Variants in SRL observed in about 807,000 individuals in gnomAD.
SRL encodes sarcalumenin.
SRL carries 23 observed loss-of-function variants against 39.5 expected under a neutral mutation model. The ratio of observed to expected loss-of-function variants is 0.58; its 90% confidence interval spans 0.42 to 0.82. The LOEUF (loss-of-function observed/expected upper bound fraction) is 0.82, where lower values mean the gene tolerates loss of function less well. Among genes scored for constraint, SRL ranks in the 40% least tolerant of loss-of-function variants. The probability of loss-of-function intolerance (pLI) is 0.00; values close to 1 mark genes in which losing one functional copy is unlikely to be tolerated. For synonymous variants in SRL, 272 were observed against 237.4 expected (o/e 1.15, Z -1.34); for missense variants, 592 against 607.8 (o/e 0.97, Z 0.27).
At chr16:4,231,057 C>T (rs1417834698) in intron 1 of SRL, among the ~76,000 whole-genome samples, 1 of 152,182 alleles carries the variant, frequency 6.6e-6, no homozygotes, top group African/African-American at 2.4e-5. Context: ...GTGGCTCACA[C>T]CTGTAATCCC....
At chr16:4,240,093 A>G (rs2052756558) in intron 1 of SRL, among the ~76,000 whole-genome samples, 1 of 152,196 alleles carries the variant, frequency 6.6e-6, no homozygotes, top group Non-Finnish European at 1.5e-5. Flanking sequence ...AGCAACAAGG[A>G]GGAGAAGCCG....
intron 1 of SRL, among the ~76,000 whole-genome samples, chr16:4,225,976 G>T (rs1049474789): frequency 6.6e-6 from 1 of 152,074 alleles, no homozygotes; most frequent in Non-Finnish European, 1.5e-5. Flanking sequence ...TTGCTCTTCA[G>T]GGCCCCTCCT....
chr16:4,197,813 T>C lies in SRL; in HGVS notation c.362A>G (p.Tyr121Cys). The C allele has an allele frequency of 6.2e-7, 1 of 1,605,272 alleles. No homozygotes were observed. The highest frequency in any genetic ancestry group is 8.5e-7 in the Non-Finnish European group (1 of 1,171,998). ...ATATTGATTACCTGTATAGAGCTGA[T>C]AGCGAGTATTTTCCAGCCCAAGGAG... ...NYLLGLENTRYQLYTGAEPTT... is the reference protein window; with the variant it reads ...NYLLGLENTRCQLYTGAEPTT... The change falls in exon 4 of 6, where the codon TAT becomes TGT. Residue 121 changes from tyrosine (Y) to cysteine (C), a missense_variant. By Grantham distance (194) the Tyr-to-Cys change is radical. Coordinates refer to ENST00000399609, the MANE Select transcript of SRL (RefSeq NM_001098814.2).
In SRL at chr16:4,192,178, G is replaced by T. The variant is rs1449554352; in HGVS notation, c.1397C>A (p.Pro466Gln). The T allele has an allele frequency of 1.3e-6, 2 of 1,555,528 alleles. No individual in the cohort carries two copies. Among genetic ancestry groups the T allele is most frequent in the South Asian group, 1.3e-5 (1 of 79,074 alleles). ...CTAGTGCTTCCTGTAGCGATTTTTTGGTGTTTCGCTACACCCTGTTTTGTC... is the reference window on the plus strand; with the variant it reads ...CTAGTGCTTCCTGTAGCGATTTTTTTGTGTTTCGCTACACCCTGTTTTGTC... ...NCDKTGCSETPKNRYRKH is the reference protein window; with the variant it reads ...NCDKTGCSETQKNRYRKH Residue 466 changes from proline to glutamine, a missense_variant, in exon 6 of 6, where the codon CCA becomes CAA. By Grantham distance (76) the Pro-to-Gln change is moderately conservative. Transcript: ENST00000399609. The surrounding 1 kb of genome is among the most constrained non-coding windows in gnomAD (Gnocchi z 4.0).
At chr16:4,203,481 A>C (rs1667637543) in intron 2 of SRL, among the ~76,000 whole-genome samples, 1 of 151,800 alleles carries the variant, frequency 6.6e-6, no homozygotes, top group African/African-American at 2.4e-5. Context: ...TCTCCTACCC[A>C]CCCCCAAAGC....
chr16:4,229,840 A>G lies in SRL; in HGVS notation c.61+12167T>C, dbSNP rs1185896042. On this transcript the variant is annotated intron_variant, in intron 1 of 5. Transcript: ENST00000399609. ...CTTCTGCAGATGAGGAGGTGCTTCC[A>G]CATCCTGCACCATCTCCTGCTTGGC... Among the ~76,000 whole-genome samples, 4 of 152,088 alleles carry G rather than the reference A, an allele frequency of 2.6e-5. No homozygotes were observed. The East Asian group carries it at 5.8e-4, about 22-fold the overall frequency.
At chr16:4,202,107 G>A (rs2052242192) in intron 3 of SRL, among the ~76,000 whole-genome samples, 1 of 152,196 alleles carries the variant, frequency 6.6e-6, no homozygotes, top group Admixed American at 6.5e-5. Context: ...TCCAGAGCAT[G>A]GCGTGGTCAC....
rs2052041756 is a variant in SRL at position 4,189,976 on chromosome 16, G to A, written c.*2177C>T. 1 of 286,326 alleles carries A rather than the reference G, an allele frequency of 3.5e-6. No homozygotes were observed. The highest frequency in any genetic ancestry group is 5.2e-5 in the Admixed American group (1 of 19,134). 17.7% of individuals were successfully genotyped at this position (286,326 alleles called of 1,614,324 possible). Reference sequence around the variant, plus strand: ...GCGAGGGGTTCTGGGGTTTGCGGAGGGTGGTTAATGAGAAGAAAAGTCCAG... The same window carrying A: ...GCGAGGGGTTCTGGGGTTTGCGGAGAGTGGTTAATGAGAAGAAAAGTCCAG... On this transcript the variant is annotated 3_prime_UTR_variant, in exon 6 of 6. Coordinates refer to ENST00000399609, the MANE Select transcript of SRL (RefSeq NM_001098814.2).
intron 1 of SRL, among the ~76,000 whole-genome samples, chr16:4,221,413 T>C (rs2052528865): frequency 6.6e-6 from 1 of 152,146 alleles, no homozygotes; most frequent in Non-Finnish European, 1.5e-5. Flanking sequence ...GCCTACTCCC[T>C]AGTTCCCAAA....
In SRL at chr16:4,190,178, G is replaced by A. The variant is rs1376109676; in HGVS notation, c.*1975C>T. On this transcript the variant is annotated 3_prime_UTR_variant, in exon 6 of 6. Coordinates refer to ENST00000399609, the MANE Select transcript of SRL (RefSeq NM_001098814.2). ...CAAAGCCAAACGCAACGGCCCCTGT[G>A]ACAGCATGCACCAGAGTGATAACAA... The A allele has an allele frequency of 2.5e-6, 1 of 397,920 alleles. No homozygotes were observed. The highest frequency in any genetic ancestry group is 2.1e-5 in the African/African-American group (1 of 48,622). The allele number at this position is 397,920 out of a possible 1,614,324, so 24.6% of individuals were successfully genotyped here.
At chr16:4,234,980 CTT>C (rs1014074119) in intron 1 of SRL, among the ~76,000 whole-genome samples, 4 of 152,192 alleles carry the variant, frequency 2.6e-5, no homozygotes, top group Non-Finnish European at 5.9e-5. Flanking sequence ...CACAGACAGA[CTT>C]GAGCAAAGTG....
intron 1 of SRL, among the ~76,000 whole-genome samples, chr16:4,225,714 C>T (rs1193045459): frequency 6.6e-6 from 1 of 152,190 alleles, no homozygotes; most frequent in Non-Finnish European, 1.5e-5. Context: ...TGTCATCTCC[C>T]ACCTGGATTG....
chr16:4,218,732 C>A (rs1402519851), intron 1 of SRL, among the ~76,000 whole-genome samples: 1 of 152,248 alleles, frequency 6.6e-6, no homozygotes, highest in Non-Finnish European at 1.5e-5. Flanking sequence ...CAGCCCCCAA[C>A]CTGCTCAGCC....
chr16:4,229,880 C>T (rs561189646), intron 1 of SRL, among the ~76,000 whole-genome samples: 1 of 152,234 alleles, frequency 6.6e-6, no homozygotes, highest in African/African-American at 2.4e-5. Flanking sequence ...GTGCCCAAGG[C>T]CAAGACTTTG....
intron 1 of SRL, 123 bp downstream of exon 1, chr16:4,241,884 C>T: frequency 2.0e-6 from 2 of 1,015,340 alleles, no homozygotes; most frequent in South Asian, 1.5e-5. Context: ...GGTAAGAAGA[C>T]ACCAGCCAAG....
chr16:4,201,247 G>A (rs1433363310), intron 3 of SRL, among the ~76,000 whole-genome samples: 1 of 151,662 alleles, frequency 6.6e-6, no homozygotes, highest in Non-Finnish European at 1.5e-5. Flanking sequence ...CCGAGTAGCT[G>A]GGACCACAGG....
At position 4,203,239 on chromosome 16, in the gene SRL, C is replaced by A. The variant is rs763602284; in HGVS notation, c.186G>T (p.Lys62Asn). The change falls in exon 3 of 6, where the codon AAG (lysine) becomes AAT (asparagine). Residue 62 changes from lysine to asparagine, a missense_variant. Coordinates refer to ENST00000399609, the MANE Select transcript of SRL (RefSeq NM_001098814.2). ...GAGGCTTGATGGATGAGTGGTAGAT[C>A]TTCCGAAGCCGCTGCAGCACCGCTG... ...DYSAVLQRLR[K>N]IYHSSIKPLE... The A allele has an allele frequency of 1.9e-6, 3 of 1,614,136 alleles. No individual in the cohort carries two copies. The highest frequency in any genetic ancestry group is 1.7e-6 in the Non-Finnish European group (2 of 1,179,998).
chr16:4,195,781 C>G lies in SRL; in HGVS notation c.382G>C (p.Glu128Gln). Residue 128 changes from glutamate to glutamine, a missense_variant, in exon 5 of 6, where the codon GAA becomes CAA. Transcript: ENST00000399609. The stretch of plus-strand genomic sequence containing the variant: ...ACCGTGAACTCAGAGGTGGTGGGTT[C>G]AGCGCCTGGGCACACGGGGTGAGAG... ...NTRYQLYTGA[E>Q]PTTSEFTVLM... 3 of 1,613,482 alleles carry G rather than the reference C, an allele frequency of 1.9e-6. No homozygotes were observed. The highest frequency in any genetic ancestry group is 2.5e-6 in the Non-Finnish European group (3 of 1,179,608).
intron 1 of SRL, among the ~76,000 whole-genome samples, chr16:4,223,919 G>A (rs2141058587): frequency 6.6e-6 from 1 of 152,288 alleles, no homozygotes; most frequent in South Asian, 2.1e-4. Flanking sequence ...AACAAAAGCT[G>A]ATGTCCATCA....
Sources: gnomAD v4.1 joint callset for allele counts (sites outside exome capture counted in the v4.1 genomes callset) on GRCh38, gnomAD v4.1.1 for gene constraint, Gnocchi (gnomAD v3.1) non-coding constraint, MANE v1.5 for transcripts, NCBI Gene and HGNC (gene_info 2026-07-23, HGNC 2026-07-21) for gene names.